The following BLNK variants were observed in gnomAD, a reference collection of about 807,000 sequenced individuals.
The protein encoded by BLNK is B cell linker.
BLNK carries 29 observed loss-of-function variants against 73.5 expected under a neutral mutation model. The ratio of observed to expected loss-of-function variants is 0.39; its 90% CI spans 0.29 to 0.54. The LOEUF (loss-of-function observed/expected upper bound fraction) is 0.54, where lower values mean the gene tolerates loss of function less well. Among genes scored for constraint, BLNK ranks in the 20% least tolerant of loss-of-function variants. The pLI is 0.61. For missense variants in BLNK, 460 were observed against 562.8 expected, an observed-to-expected ratio of 0.82 and a Z score of 1.85; for synonymous variants, 176 against 200.8, an observed-to-expected ratio of 0.88 and a Z score of 1.04.
intron 15 of BLNK, among the ~76,000 whole-genome samples, chr10:96,198,129 C>A (rs2861304): frequency 0.82 from 123,968 of 151,900 alleles, 52,255 homozygotes; most frequent in Non-Finnish European, 0.93. Context: ...CAACAAAGAA[C>A]AAATTATAAG....
chr10:96,194,528 G>A (rs1554894218), intron 16 of BLNK, among the ~76,000 whole-genome samples: 1 of 152,066 alleles, frequency 6.6e-6, no homozygotes, highest in African/African-American at 2.4e-5. Flanking sequence ...CTTTTGCTCA[G>A]CAAATAACAC....
At chr10:96,222,754 C>G (rs1349977909) in intron 6 of BLNK, among the ~76,000 whole-genome samples, 1 of 152,080 alleles carries the variant, frequency 6.6e-6, no homozygotes, top group Non-Finnish European at 1.5e-5. Context: ...ACATCCTGGC[C>G]CATGTCACCC....
chr10:96,197,703 T>C (rs2083505367), intron 15 of BLNK, among the ~76,000 whole-genome samples: 1 of 152,072 alleles, frequency 6.6e-6, no homozygotes, highest in Admixed American at 6.6e-5. Context: ...ACTAAAATCT[T>C]GGGTCAGACT....
chr10:96,212,878 A>G (rs1418753480), intron 8 of BLNK, among the ~76,000 whole-genome samples: 1 of 152,216 alleles, frequency 6.6e-6, no homozygotes, highest in Admixed American at 6.5e-5. Flanking sequence ...GCACACTCGG[A>G]AACCCACTCG....
intron 3 of BLNK, among the ~76,000 whole-genome samples, chr10:96,238,373 T>C (rs1554905488): frequency 6.6e-6 from 1 of 152,158 alleles, no homozygotes; most frequent in East Asian, 1.9e-4. Flanking sequence ...TTTCCAGAAC[T>C]GGAAAGAGGA....
chr10:96,261,224 T>C (rs1554912742), intron 1 of BLNK, among the ~76,000 whole-genome samples: 1 of 152,208 alleles, frequency 6.6e-6, no homozygotes, highest in Admixed American at 6.5e-5. Flanking sequence ...TAGGAAATTG[T>C]TTAATTATCA....
chr10:96,217,648 G>A (rs2084099362), intron 6 of BLNK, among the ~76,000 whole-genome samples: 2 of 151,808 alleles, frequency 1.3e-5, no homozygotes, highest in Non-Finnish European at 1.5e-5. Flanking sequence ...ATTTTTAATT[G>A]GGTTGTTTAT....
At chr10:96,207,158 A>T in intron 10 of BLNK, 105 bp from the exon 11 acceptor site, 1 of 990,114 alleles carries the variant, frequency 1.0e-6, no homozygotes, top group Non-Finnish European at 1.6e-6. Context: ...CTTTTCTTTG[A>T]TGCATTGCTA....
At chr10:96,245,588 TTATAA>T (rs1564843052) in intron 2 of BLNK, among the ~76,000 whole-genome samples, 1 of 152,156 alleles carries the variant, frequency 6.6e-6, no homozygotes, top group African/African-American at 2.4e-5. Context: ...GTTAATTGAA[TTATAA>T]TATATTTAAG....
At chr10:96,231,923 T>C (rs587775155) in intron 3 of BLNK, among the ~76,000 whole-genome samples, 1 of 152,242 alleles carries the variant, frequency 6.6e-6, no homozygotes, top group Admixed American at 6.5e-5. Context: ...GGTGCCGTCC[T>C]GGGCTCTGCA....
At chr10:96,230,609 C>A (rs1330428427) in intron 4 of BLNK, among the ~76,000 whole-genome samples, 185 bp downstream of exon 4, 3 of 152,200 alleles carry the variant, frequency 2.0e-5, no homozygotes, top group African/African-American at 7.2e-5. Context: ...AAGCTCTTAG[C>A]CAGGCGCACA....
chr10:96,254,021 AAAAAAAATAAAAAAAATT>A (rs1554910163), intron 1 of BLNK, among the ~76,000 whole-genome samples: 2 of 148,724 alleles, frequency 1.3e-5, no homozygotes, highest in East Asian at 1.9e-4. Flanking sequence ...ACTCTGTCTC[AAAAAAAATAAAAAAAATT>A]AAAAAAATAA....
chr10:96,259,438 G>A (rs1346016602), intron 1 of BLNK, among the ~76,000 whole-genome samples: 1 of 152,104 alleles, frequency 6.6e-6, no homozygotes, highest in Non-Finnish European at 1.5e-5. Context: ...GCCCTCTGGG[G>A]TCTGGAATAT....
At chr10:96,207,611 T>C (rs2083851566) in intron 10 of BLNK, among the ~76,000 whole-genome samples, 1 of 152,206 alleles carries the variant, frequency 6.6e-6, no homozygotes, top group South Asian at 2.1e-4. Context: ...GCAGGGAACC[T>C]GGCTGCCCCT....
intron 3 of BLNK, among the ~76,000 whole-genome samples, chr10:96,232,631 G>A (rs933705059): frequency 2.0e-5 from 3 of 152,150 alleles, no homozygotes; most frequent in Admixed American, 2.0e-4. Flanking sequence ...AGCCAAACAT[G>A]GGTCACACTT....
At chr10:96,258,737 A>C (rs912591942) in intron 1 of BLNK, among the ~76,000 whole-genome samples, 1 of 152,188 alleles carries the variant, frequency 6.6e-6, no homozygotes, top group Admixed American at 6.5e-5. Context: ...TTGGAAAATC[A>C]ATAACGGTAA....
At chr10:96,208,032 G>C in intron 9 of BLNK, 133 bp from the exon 10 acceptor site, 9 of 938,550 alleles carry the variant, frequency 9.6e-6, no homozygotes, top group Non-Finnish European at 1.5e-5. Context: ...TATCCTTGCA[G>C]GGTGGAGAGG....
At chr10:96,253,123 A>G (rs1435644022) in intron 1 of BLNK, among the ~76,000 whole-genome samples, 3 of 152,220 alleles carry the variant, frequency 2.0e-5, no homozygotes, top group Non-Finnish European at 2.9e-5. Context: ...CTACCCATGC[A>G]TAAGATGTAC....
intron 8 of BLNK, among the ~76,000 whole-genome samples, chr10:96,214,591 C>A (rs1554899434): frequency 6.6e-6 from 1 of 152,066 alleles, no homozygotes; most frequent in Non-Finnish European, 1.5e-5. Flanking sequence ...GGCCTGGAGG[C>A]TCTACGCATT....
Sources: allele counts gnomAD v4.1 joint callset (sites outside exome capture counted in the v4.1 genomes callset), GRCh38; gene constraint gnomAD v4.1.1; transcripts MANE v1.5; gene names NCBI Gene and HGNC (gene_info 2026-07-23, HGNC 2026-07-21).